MMP15: variants seen among roughly 807,000 people sequenced by gnomAD.
MMP15 encodes the protein matrix metallopeptidase 15.
MMP15 carries 36 observed loss-of-function variants against 65.0 expected under a neutral mutation model. That is an observed-to-expected ratio of 0.55 (90% confidence interval 0.42 to 0.73). MMP15 has a LOEUF of 0.73. MMP15 is among the 30% of genes least tolerant of loss of function. MMP15 has a pLI of 0.00. For missense variants in MMP15, 870 were observed against 987.8 expected (o/e 0.88, Z 1.60); for synonymous variants, 428 against 410.2 (o/e 1.04, Z -0.52).
chr16:58,032,974 G>T (rs1959260598), intron 1 of MMP15, among the ~76,000 whole-genome samples: 1 of 152,210 alleles, frequency 6.6e-6, no homozygotes, highest in African/African-American at 2.4e-5. Flanking sequence ...GGGGCTGCCG[G>T]CCAGCTCCAC....
intron 3 of MMP15, among the ~76,000 whole-genome samples, chr16:58,039,196 G>A (rs781128814): frequency 1.1e-4 from 16 of 152,240 alleles, no homozygotes; most frequent in Non-Finnish European, 1.8e-4. Context: ...ACTTTGGGAG[G>A]CCAAAGTGGG....
chr16:58,037,638 T>A lies in MMP15; in HGVS notation c.311+18T>A. On this transcript the variant is annotated intron_variant, in intron 2 of 9. Coordinates refer to ENST00000219271, the MANE Select transcript of MMP15 (RefSeq NM_002428.4). ...ACCAAGGAGTGAGTTCCCCCCACCATCCACACCCCACAGGCACCTGCCTTC... is the reference window on the plus strand; with the variant it reads ...ACCAAGGAGTGAGTTCCCCCCACCAACCACACCCCACAGGCACCTGCCTTC... The A allele has an allele frequency of 6.2e-7, 1 of 1,613,922 alleles. No homozygotes were observed. Among genetic ancestry groups the A allele is most frequent in the South Asian group, 1.1e-5 (1 of 91,072 alleles).
At chr16:58,035,284 T>C (rs974291773) in intron 1 of MMP15, among the ~76,000 whole-genome samples, 3 of 152,222 alleles carry the variant, frequency 2.0e-5, no homozygotes, top group Non-Finnish European at 4.4e-5. Flanking sequence ...CAGTATCTTA[T>C]TGAGCTGTGG....
At position 58,043,235 on chromosome 16, in the gene MMP15, A is replaced by G; in HGVS notation, c.1329A>G (p.Glu443=). 1.2e-6 allele frequency: 2 copies of G among 1,600,900 alleles called. No individual in the cohort carries two copies. Among genetic ancestry groups the G allele is most frequent in the Non-Finnish European group, 1.7e-6 (2 of 1,172,984 alleles). ...FKGDRYWLFR[E]ANLEPGYPQP... ...GTGACCGCTACTGGCTCTTTCGAGAAGCGAACCTGGAGCCCGGCTACCCAC... is the reference window on the plus strand; with the variant it reads ...GTGACCGCTACTGGCTCTTTCGAGAGGCGAACCTGGAGCCCGGCTACCCAC... Residue 443 remains glutamate (E), a synonymous_variant, in exon 8 of 10, where the codon GAA becomes GAG. Coordinates refer to ENST00000219271, the MANE Select transcript of MMP15 (RefSeq NM_002428.4).
Position 58,042,234 on chromosome 16 carries a change from C to A in MMP15, c.1168C>A (p.Arg390Ser). 6.2e-7 allele frequency: 1 copy of A among 1,613,316 alleles called. No individual in the cohort carries two copies. Among genetic ancestry groups the A allele is most frequent in the South Asian group, 1.1e-5 (1 of 90,980 alleles). Residue 390 changes from arginine (R) to serine (S), a missense_variant, in exon 7 of 10, where the codon CGC becomes AGC. Physicochemically the swap from Arg to Ser is moderately radical, Grantham distance 110. Coordinates refer to ENST00000219271, the MANE Select transcript of MMP15 (RefSeq NM_002428.4). ...LRGEMFVFKGRWFWRVRHNRV... is the reference protein window; with the variant it reads ...LRGEMFVFKGSWFWRVRHNRV... ...GCTCACACTATGCCCTCCCCAGGGC[C>A]GCTGGTTCTGGCGAGTCCGGCACAA...
rs556753479 is a variant in MMP15, at chr16:58,041,849, C to T, written c.1143C>T (p.Arg381=). 20 of 1,598,832 alleles carry T rather than the reference C, an allele frequency of 1.3e-5. No homozygotes were observed. The South Asian group carries it at 1.6e-4, about 13-fold the overall frequency. ...DGDFDTVAML[R]GEMFVFKGRW... is the part of the protein sequence containing the mutation. Reference sequence around the variant, plus strand: ...ACTTTGACACAGTGGCCATGCTTCGCGGGGAGATGTTCGTGTTCAAGGTCT... The same window carrying T: ...ACTTTGACACAGTGGCCATGCTTCGTGGGGAGATGTTCGTGTTCAAGGTCT... Residue 381 remains arginine, a synonymous_variant, in exon 6 of 10, where the codon CGC becomes CGT. Transcript: ENST00000219271.
Position 58,039,953 on chromosome 16 carries a change from G to A in MMP15, c.519G>A (p.Gln173=). The change falls in exon 4 of 10, where the codon CAG becomes CAA. Residue 173 remains glutamine (Q), a synonymous_variant. Transcript: ENST00000219271. ...AVRRAFRVWE[Q]ATPLVFQEVP... ...GCAGGGCCTTCCGCGTGTGGGAGCA[G>A]GCCACGCCCCTGGTCTTCCAGGAGG... 1 of 1,613,764 alleles carries A rather than the reference G, an allele frequency of 6.2e-7. No homozygotes were observed. The highest frequency in any genetic ancestry group is 8.5e-7 in the Non-Finnish European group (1 of 1,180,010).
intron 5 of MMP15, among the ~76,000 whole-genome samples, chr16:58,041,380 T>G (rs1959447978): frequency 6.6e-6 from 1 of 152,086 alleles, no homozygotes; most frequent in African/African-American, 2.4e-5. Context: ...CAAGGGGACA[T>G]GCAGGCAGAC....
rs143314788 is a variant in MMP15, at chr16:58,033,514, G to A, written c.163-3958G>A. 3.5e-4 allele frequency among the ~76,000 whole-genome samples: 54 copies of A among 152,346 alleles called. No individual in the cohort carries two copies. In the East Asian group the frequency reaches 9.3e-3, roughly 26 times the overall value. On this transcript the variant is annotated intron_variant, in intron 1 of 9. Coordinates refer to ENST00000219271, the MANE Select transcript of MMP15 (RefSeq NM_002428.4). Reference sequence around the variant, plus strand: ...GGTTATGACCTCTCCTGTGTGCCAGGGGCCAGGAACCACCCTTCTGACTCC... The same window carrying A: ...GGTTATGACCTCTCCTGTGTGCCAGAGGCCAGGAACCACCCTTCTGACTCC...
chr16:58,033,951 C>A (rs1959283061), intron 1 of MMP15, among the ~76,000 whole-genome samples: 1 of 152,234 alleles, frequency 6.6e-6, no homozygotes, highest in Non-Finnish European at 1.5e-5. Context: ...AGGTGCCCCC[C>A]ACAGCAGCCC....
At position 58,039,886 on chromosome 16, in the gene MMP15, A is replaced by T. The variant is rs1224212733; in HGVS notation, c.452A>T (p.Tyr151Phe). The change falls in exon 4 of 10, where the codon TAC (tyrosine) becomes TTC (phenylalanine). Residue 151 changes from tyrosine (Y) to phenylalanine (F), a missense_variant. Transcript: ENST00000219271. ...CCACCCACCCCCAGCATCCAGAACT[A>T]CACGGAGAAGTTGGGCTGGTACCAC... Reference protein sequence around the residue: ...NHHLTFSIQNYTEKLGWYHSM... With the variant: ...NHHLTFSIQNFTEKLGWYHSM... 1 of 1,603,034 alleles carries T rather than the reference A, an allele frequency of 6.2e-7. No homozygotes were observed. Among genetic ancestry groups the T allele is most frequent in the Admixed American group, 1.7e-5 (1 of 59,764 alleles).
intron 1 of MMP15, among the ~76,000 whole-genome samples, chr16:58,034,885 G>A (rs1230013385): frequency 4.6e-5 from 7 of 152,128 alleles, no homozygotes; most frequent in Non-Finnish European, 1.0e-4. Context: ...ACTGCAGACA[G>A]GCCAGCTCCC....
rs907458455 is a variant in MMP15, at chr16:58,042,290, C to T, written c.1224C>T (p.Ile408=). ...NRVLDNYPMP[I]GHFWRGLPGD... is the part of the protein sequence containing the mutation. Reference sequence around the variant, plus strand: ...TCCTGGACAACTATCCCATGCCCATCGGGCACTTCTGGCGTGGTCTGCCCG... The same window carrying T: ...TCCTGGACAACTATCCCATGCCCATTGGGCACTTCTGGCGTGGTCTGCCCG... The change falls in exon 7 of 10, where the codon ATC becomes ATT. Residue 408 remains isoleucine, a synonymous_variant. Transcript: ENST00000219271. 27 of 1,614,216 alleles carry T rather than the reference C, an allele frequency of 1.7e-5. No individual in the cohort carries two copies. Among genetic ancestry groups the T allele is most frequent in the Admixed American group, 6.7e-5 (4 of 60,024 alleles).
chr16:58,026,341 C>T lies in MMP15; in HGVS notation c.-10C>T. On this transcript the variant is annotated 5_prime_UTR_variant, in exon 1 of 10. Coordinates refer to ENST00000219271, the MANE Select transcript of MMP15 (RefSeq NM_002428.4). Reference sequence around the variant, plus strand: ...GTGCAGTGTTCCGAGCTGGGCTGGGCGCCGAGAGCATGGGCAGCGACCCGA... The same window carrying T: ...GTGCAGTGTTCCGAGCTGGGCTGGGTGCCGAGAGCATGGGCAGCGACCCGA... The T allele has an allele frequency of 2.2e-6, 3 of 1,339,148 alleles. No individual in the cohort carries two copies. Among genetic ancestry groups the T allele is most frequent in the South Asian group, 1.9e-5 (1 of 53,602 alleles). 83.0% of individuals were successfully genotyped at this position (1,339,148 alleles called of 1,614,324 possible).
chr16:58,034,503 C>T (rs1212344059), intron 1 of MMP15, among the ~76,000 whole-genome samples: 2 of 152,170 alleles, frequency 1.3e-5, no homozygotes, highest in Non-Finnish European at 2.9e-5. Context: ...ATTGCTGCCA[C>T]CCGGGCAGAT....
intron 1 of MMP15, among the ~76,000 whole-genome samples, chr16:58,027,715 A>C (rs1471585722): frequency 1.3e-5 from 2 of 152,058 alleles, no homozygotes; most frequent in Non-Finnish European, 2.9e-5. Flanking sequence ...AGGGCAGGGA[A>C]TTCCTCCTGG....
intron 1 of MMP15, among the ~76,000 whole-genome samples, chr16:58,031,420 C>A (rs1963887868): frequency 6.6e-6 from 1 of 152,128 alleles, no homozygotes; most frequent in African/African-American, 2.4e-5. Flanking sequence ...ATCTGTCCAG[C>A]CACCCAAGCT....
intron 1 of MMP15, among the ~76,000 whole-genome samples, chr16:58,031,182 G>A (rs1220594804): frequency 6.6e-6 from 1 of 152,204 alleles, no homozygotes; most frequent in Non-Finnish European, 1.5e-5. Context: ...GGGAGTGGCA[G>A]AGCTTGGATT....
At chr16:58,039,013 T>C (rs952185162) in intron 3 of MMP15, among the ~76,000 whole-genome samples, 2 of 152,226 alleles carry the variant, frequency 1.3e-5, no homozygotes, top group African/African-American at 4.8e-5. Flanking sequence ...CTGATTTATA[T>C]AGGTAAGAGC....
Sources: gnomAD v4.1 joint callset for allele counts (sites outside exome capture counted in the v4.1 genomes callset) on GRCh38, gnomAD v4.1.1 for gene constraint, MANE v1.5 for transcripts, NCBI Gene and HGNC (gene_info 2026-07-23, HGNC 2026-07-21) for gene names.